CROCC: variants seen among roughly 807,000 people sequenced by gnomAD.
CROCC encodes the protein rootletin.
CROCC carries 180 observed loss-of-function variants against 245.2 expected under a neutral mutation model. That is an observed-to-expected ratio of 0.73 (90% CI 0.65 to 0.83). The LOEUF is 0.83. CROCC is among the 40% of genes least tolerant of loss of function. CROCC has a pLI of 0.00. For synonymous variants in CROCC, 1,205 were observed against 1,241.6 expected (o/e 0.97, Z 0.62); for missense variants, 2,688 against 2,779.4 (o/e 0.97, Z 0.74).
chr1:16,937,191 A>G (rs745705491), intron 9 of CROCC, among the ~76,000 whole-genome samples: 4 of 152,272 alleles, frequency 2.6e-5, no homozygotes, highest in Non-Finnish European at 5.9e-5. Context: ...TGTCTCTACT[A>G]AAAATACAAA....
In CROCC at chr1:16,930,331, G is replaced by T. The variant is rs780470953; in HGVS notation, c.667G>T (p.Glu223Ter). ...QDLESALIRLEEEQQRSASLA... is the reference protein window; with the variant it reads ...QDLESALIRL ...CCTGGAAAGCGCCCTCATCCGGCTG[G>T]AGGAGGAGCAGCAGAGGTGAGGGCG... The change falls in exon 6 of 37, where the codon GAG becomes TAG. Residue 223 changes from glutamate to a stop codon, truncating the protein, a stop_gained. Coordinates refer to ENST00000375541, the MANE Select transcript of CROCC (RefSeq NM_014675.5). LOFTEE classifies it high-confidence loss of function. The T allele has an allele frequency of 6.2e-7, 1 of 1,610,370 alleles. No homozygotes were observed. Among genetic ancestry groups the T allele is most frequent in the Admixed American group, 1.7e-5 (1 of 59,684 alleles).
intron 13 of CROCC, among the ~76,000 whole-genome samples, chr1:16,941,726 C>T (rs558108806): frequency 6.7e-4 from 99 of 148,638 alleles, no homozygotes; most frequent in Middle Eastern, 3.5e-3. Context: ...AGCAAGACTC[C>T]GTCTCAAAAA....
chr1:16,943,296 G>C (rs1402461617), intron 13 of CROCC, among the ~76,000 whole-genome samples: 1 of 152,136 alleles, frequency 6.6e-6, no homozygotes, highest in Non-Finnish European at 1.5e-5. Context: ...CCAGCACTTT[G>C]GGAGGCCGAG....
chr1:16,941,707 G>A (rs1221063311), intron 13 of CROCC, among the ~76,000 whole-genome samples: 9 of 150,884 alleles, frequency 6.0e-5, no homozygotes, highest in Non-Finnish European at 8.8e-5. Flanking sequence ...ACTCCAGCCT[G>A]AGCGACAGAG....
At position 16,955,352 on chromosome 1, in the gene CROCC, C is replaced by T. The variant is rs773127807; in HGVS notation, c.3506C>T (p.Ala1169Val). Residue 1169 changes from alanine (A) to valine (V), a missense_variant, in exon 24 of 37, where the codon GCC becomes GTC. By Grantham distance (64) the Ala-to-Val change is moderately conservative. Around this residue, in one of 9 missense-constraint regions of CROCC, gnomAD observed 1,218 missense variants for 1,286.3 expected, o/e 0.95. Transcript: ENST00000375541. ...ACCCAGCTGCGTCTGCTGGAGGATG[C>T]CCGTGACGGGCTGCGGCGGGAGCTG... ...LRTQLRLLED[A>V]RDGLRRELLE... 3.7e-6 allele frequency: 6 copies of T among 1,608,238 alleles called. No individual in the cohort carries two copies. The East Asian group carries it at 1.1e-4, about 30-fold the overall frequency.
At position 16,972,363 on chromosome 1, in the gene CROCC, T is replaced by G; in HGVS notation, c.5971T>G (p.Ser1991Ala). ...QRVRGLEEQVSTLKGQLQQEL... is the reference protein window; with the variant it reads ...QRVRGLEEQVATLKGQLQQEL... ...TTACCTTCCCTTTCTTCCCCAGGTG[T>G]CCACACTGAAGGGCCAGCTGCAGCA... Residue 1991 changes from serine to alanine, a missense_variant, in exon 37 of 37, where the codon TCC becomes GCC. By Grantham distance (99) the Ser-to-Ala change is moderately conservative. This residue lies in a region of CROCC where 1,218 missense variants were observed against 1,286.3 expected (regional missense o/e 0.95). Transcript: ENST00000375541. The G allele has an allele frequency of 6.2e-7, 1 of 1,613,696 alleles. No homozygotes were observed.
rs2076091125 is a variant in CROCC, at chr1:16,948,190, T to C, written c.2515-141T>C. 3 of 1,399,378 alleles carry C rather than the reference T, an allele frequency of 2.1e-6. No individual in the cohort carries two copies. In the Admixed American group the frequency reaches 9.0e-5, roughly 42 times the overall value. 86.7% of individuals were successfully genotyped at this position (1,399,378 alleles called of 1,614,324 possible). A position where few individuals can be genotyped will look rare whatever the true frequency, so the allele number is the denominator to read the frequency against. Reference sequence around the variant, plus strand: ...TAGAGAAGGTCATGACTTGCCCAAGTACATGTAGCACATCAGGGCAGACCC... The same window carrying C: ...TAGAGAAGGTCATGACTTGCCCAAGCACATGTAGCACATCAGGGCAGACCC... On this transcript the variant is annotated intron_variant, in intron 17 of 36. Coordinates refer to ENST00000375541, the MANE Select transcript of CROCC (RefSeq NM_014675.5).
At chr1:16,965,924 A>T (rs1307083315) in intron 28 of CROCC, 32 bp downstream of exon 28, 5 of 1,605,622 alleles carry the variant, frequency 3.1e-6, no homozygotes, top group Non-Finnish European at 4.3e-6. Context: ...TGGATGGGGA[A>T]CCTGGAGGGC....
chr1:16,931,936 T>G (rs1357445641), intron 8 of CROCC, among the ~76,000 whole-genome samples: 2 of 152,306 alleles, frequency 1.3e-5, no homozygotes, highest in East Asian at 3.9e-4. Context: ...TTTTTTTTTT[T>G]TTTGTATTTT....
chr1:16,963,131 C>T (rs1392345430), intron 27 of CROCC, among the ~76,000 whole-genome samples: 13 of 148,852 alleles, frequency 8.7e-5, no homozygotes, highest in Non-Finnish European at 1.6e-4. Context: ...TGTGGTGAGC[C>T]GAGATCGCAC....
At chr1:16,962,953 G>A (rs979815320) in intron 27 of CROCC, among the ~76,000 whole-genome samples, 5 of 151,682 alleles carry the variant, frequency 3.3e-5, no homozygotes, top group African/African-American at 7.3e-5. Flanking sequence ...AGGCCGGAGC[G>A]GGTGGATCAC....
chr1:16,930,309 G>C lies in CROCC; in HGVS notation c.645G>C (p.Leu215=). ...RLRDTEHSQD[L]ESALIRLEEE... ...AGGACACAGAGCACAGCCAAGACCT[G>C]GAAAGCGCCCTCATCCGGCTGGAGG... Residue 215 remains leucine, a synonymous_variant, in exon 6 of 37, where the codon CTG becomes CTC. Transcript: ENST00000375541. 1 of 1,607,768 alleles carries C rather than the reference G, an allele frequency of 6.2e-7. No individual in the cohort carries two copies. The highest frequency in any genetic ancestry group is 8.5e-7 in the Non-Finnish European group (1 of 1,177,850).
Position 16,969,121 on chromosome 1 carries a change from C to G in CROCC, c.5082C>G (p.Ala1694=), listed in dbSNP as rs376217752. ...TCTGGCTGTCCTCCTGCCAGGTGGCCGACAGCGAGGTGAAGGCAGGGACCC... is the reference window on the plus strand; with the variant it reads ...TCTGGCTGTCCTCCTGCCAGGTGGCGGACAGCGAGGTGAAGGCAGGGACCC... ...DRVDSLQRQV[A]DSEVKAGTLQ... The change falls in exon 32 of 37, where the codon GCC becomes GCG. Residue 1694 remains alanine, a synonymous_variant. Transcript: ENST00000375541. 6 of 1,598,286 alleles carry G rather than the reference C, an allele frequency of 3.8e-6. No individual in the cohort carries two copies. Among genetic ancestry groups the G allele is most frequent in the Non-Finnish European group, 5.1e-6 (6 of 1,173,314 alleles).
intron 2 of CROCC, among the ~76,000 whole-genome samples, chr1:16,923,194 C>G (rs1329874817): frequency 3.3e-5 from 5 of 152,266 alleles, no homozygotes; most frequent in African/African-American, 1.2e-4. Context: ...ATCCGTTTCC[C>G]ACGTGGGCAG....
chr1:16,937,222 G>A (rs1425442284), intron 9 of CROCC, among the ~76,000 whole-genome samples: 14 of 152,358 alleles, frequency 9.2e-5, no homozygotes, highest in East Asian at 1.9e-4. Flanking sequence ...GCGTGGTGGC[G>A]CGTGCCTGTA....
chr1:16,918,738 G>GTTTTTTTTTTTTTTTTTT (rs68022839), upstream of CROCC, among the ~76,000 whole-genome samples: 2 of 144,038 alleles, frequency 1.4e-5, 1 homozygote, highest in Non-Finnish European at 3.0e-5. Context: ...TTAGTTTTTT[G>GTTTTTTTTTTTTTTTTTT]TTTTTGTTTT....
At chr1:16,953,026 C>T (rs2076188462) in intron 20 of CROCC, 3 of 424,466 alleles carry the variant, frequency 7.1e-6, no homozygotes, top group Admixed American at 6.9e-5. Flanking sequence ...TGTTCTTGGC[C>T]TGGGGTGGTC....
Position 16,961,076 on chromosome 1 carries a change from A to C in CROCC, c.4351A>C (p.Ser1451Arg). ...RRGLGLGRAPSPAPRPVPGSP... is the reference protein window; with the variant it reads ...RRGLGLGRAPRPAPRPVPGSP... Reference sequence around the variant, plus strand: ...GGGCCTCGGCCTCGGTCGCGCGCCCAGCCCAGCCCCGCGGCCAGTGCCCGG... The same window carrying C: ...GGGCCTCGGCCTCGGTCGCGCGCCCCGCCCAGCCCCGCGGCCAGTGCCCGG... The change falls in exon 27 of 37, where the codon AGC becomes CGC. Residue 1451 changes from serine (S) to arginine (R), a missense_variant. Ser to Arg is a moderately radical substitution (Grantham distance 110, BLOSUM62 -1). Transcript: ENST00000375541. The C allele has an allele frequency of 7.4e-7, 1 of 1,350,372 alleles. No homozygotes were observed. The highest frequency in any genetic ancestry group is 9.5e-7 in the Non-Finnish European group (1 of 1,055,008). 83.6% of individuals were successfully genotyped at this position (1,350,372 alleles called of 1,614,324 possible). A position where few individuals can be genotyped will look rare whatever the true frequency, so the allele number is the denominator to read the frequency against.
chr1:16,955,166 T>C, intron 23 of CROCC, 146 bp from the exon 24 acceptor site: 1 of 815,620 alleles, frequency 1.2e-6, no homozygotes, highest in Non-Finnish European at 2.0e-6. Flanking sequence ...ACAGCACGCC[T>C]TGCTCAAATG....
Sources: gnomAD v4.1 joint callset for allele counts (sites outside exome capture counted in the v4.1 genomes callset) on GRCh38, gnomAD v4.1.1 for gene constraint, gnomAD v4.1.1 regional missense constraint, MANE v1.5 for transcripts, NCBI Gene and HGNC (gene_info 2026-07-23, HGNC 2026-07-21) for gene names.